The following MYH8 variants were observed in gnomAD, a reference collection of about 807,000 sequenced individuals.
MYH8 encodes the protein myosin heavy chain 8.
MYH8 carries 168 observed loss-of-function variants against 233.2 expected under a neutral mutation model. The observed-to-expected ratio is 0.72, with a 90% confidence interval of 0.64 to 0.82. The LOEUF (loss-of-function observed/expected upper bound fraction) is 0.82. Among genes scored for constraint, MYH8 ranks in the 40% least tolerant of loss-of-function variants. The pLI is 0.00. For synonymous variants in MYH8, 785 were observed against 850.6 expected (o/e 0.92, Z 1.34); for missense variants, 1,995 against 2,327.8 (o/e 0.86, Z 2.94).
chr17:10,406,873 T>C lies in MYH8; in HGVS notation c.2053+19A>G. The C allele has an allele frequency of 6.2e-7, 1 of 1,613,676 alleles. No individual in the cohort carries two copies. On this transcript the variant is annotated intron_variant, in intron 18 of 39. Coordinates refer to ENST00000403437, the MANE Select transcript of MYH8 (RefSeq NM_002472.3). ...TTCAAACCTGTGCCCGTTTGATTAT[T>C]TCACTCTCTGTGTCTTACCAGGAGT...
In MYH8 at chr17:10,400,652, C is replaced by A. The variant is rs1567683756; in HGVS notation, c.3473G>T (p.Gly1158Val). The change falls in exon 27 of 40, where the codon GGG (glycine) becomes GTG (valine). Residue 1158 changes from glycine to valine, a missense_variant. Coordinates refer to ENST00000403437, the MANE Select transcript of MYH8 (RefSeq NM_002472.3). The surrounding 1 kb of genome is among the most constrained non-coding windows in gnomAD (Gnocchi z 4.0). ...EISERLEEAG[G>V]ATSAQVELNK... is the part of the protein sequence containing the mutation. Reference sequence around the variant, plus strand: ...CAATTCCACCTGAGCAGAAGTTGCCCCACCGGCTTCTTCCAGCCTCTCGCT... The same window carrying A: ...CAATTCCACCTGAGCAGAAGTTGCCACACCGGCTTCTTCCAGCCTCTCGCT... The A allele has an allele frequency of 2.5e-6, 4 of 1,614,186 alleles. No individual in the cohort carries two copies. The highest frequency in any genetic ancestry group is 3.4e-6 in the Non-Finnish European group (4 of 1,180,042).
rs769584861 is a variant in MYH8 at position 10,401,803 on chromosome 17, C to T, written c.2689-18G>A. ...TCTGCTTCCTATGGAGAGATTCATT[C>T]AGATACTTAGAGTCTGTTACTTATT... On this transcript the variant is annotated intron_variant, in intron 22 of 39. Transcript: ENST00000403437. 3 of 1,614,124 alleles carry T rather than the reference C, an allele frequency of 1.9e-6. No individual in the cohort carries two copies. The highest frequency in any genetic ancestry group is 1.7e-6 in the Non-Finnish European group (2 of 1,180,000).
intron 23 of MYH8, 24 bp downstream of exon 23, chr17:10,401,519 A>T (rs767864527): frequency 6.2e-7 from 1 of 1,614,132 alleles, no homozygotes; most frequent in East Asian, 2.2e-5. Flanking sequence ...ACCTCTATAC[A>T]GTATTGTAAA....
rs1184220777 is a variant in MYH8, at chr17:10,419,283, C to CCTGAT, written c.211-258_211-254dup. On this transcript the variant is annotated intron_variant, in intron 3 of 39. Coordinates refer to ENST00000403437, the MANE Select transcript of MYH8 (RefSeq NM_002472.3). The surrounding 1 kb of genome is among the most constrained non-coding windows in gnomAD (Gnocchi z 4.0). ...ATGTTGGCCAGGCTGGTCTCGAACT[C>CCTGAT]CTGATCTCAGGTGATCCACCTGCCT... is the stretch of plus-strand genomic sequence containing the variant. Among the ~76,000 whole-genome samples the CCTGAT allele has an allele frequency of 6.6e-6, 1 of 152,176 alleles. No individual in the cohort carries two copies. The highest frequency in any genetic ancestry group is 1.5e-5 in the Non-Finnish European group (1 of 68,032).
rs375006244 is a variant in MYH8 at position 10,417,814 on chromosome 17, T to G, written c.511+831A>C. On this transcript the variant is annotated intron_variant, in intron 5 of 39. Coordinates refer to ENST00000403437, the MANE Select transcript of MYH8 (RefSeq NM_002472.3). This position sits in a 1 kb window ranked among gnomAD's most constrained non-coding sequence, Gnocchi z 4.1. ...AATTTGTAATGGGAGATTCCTATTT[T>G]ATTCCTTCCTCTTTATTCTCCCCCT... 4.4e-4 allele frequency among the ~76,000 whole-genome samples: 67 copies of G among 152,278 alleles called. No individual in the cohort carries two copies. Among genetic ancestry groups the G allele is most frequent in the African/African-American group, 1.5e-3 (63 of 41,510 alleles).
chr17:10,391,866 G>T lies in MYH8; in HGVS notation c.5664+16C>A. On this transcript the variant is annotated intron_variant, in intron 39 of 39. Transcript: ENST00000403437. ...AAGAAATTTCCTTCTTTCCTCAAGGGCTTAAAGATACTTACAGCCTCCTCA... is the reference window on the plus strand; with the variant it reads ...AAGAAATTTCCTTCTTTCCTCAAGGTCTTAAAGATACTTACAGCCTCCTCA... 1 of 1,600,572 alleles carries T rather than the reference G, an allele frequency of 6.2e-7. No individual in the cohort carries two copies. The highest frequency in any genetic ancestry group is 8.6e-7 in the Non-Finnish European group (1 of 1,167,842).
rs1555556565 is a variant in MYH8, at chr17:10,404,751, A to ACACG, written c.2433-167_2433-166insCGTG. Among the ~76,000 whole-genome samples, 30,628 of 148,978 alleles carry ACACG rather than the reference A, an allele frequency of 0.21. 4,261 individuals carry two copies. Among genetic ancestry groups the ACACG allele is most frequent in the Middle Eastern group, 0.26 (75 of 290 alleles). On this transcript the variant is annotated intron_variant, in intron 21 of 39. Transcript: ENST00000403437. ...TACACACACACACACACACACACAC[A>ACACG]TGTACACACATTCTCGCGCTCACAC... is the stretch of plus-strand genomic sequence containing the variant.
intron 38 of MYH8, among the ~76,000 whole-genome samples, 199 bp from the exon 39 acceptor site, chr17:10,392,176 C>T (rs1248989011): frequency 1.3e-5 from 2 of 152,202 alleles, no homozygotes; most frequent in African/African-American, 4.8e-5. Context: ...GAATTGCACA[C>T]ATCCTCTCCA....
intron 37 of MYH8, 37 bp from the exon 38 acceptor site, chr17:10,392,683 G>A: frequency 6.2e-7 from 1 of 1,613,260 alleles, no homozygotes; most frequent in Non-Finnish European, 8.5e-7. Flanking sequence ...GTCAGTCTTG[G>A]GGGATATTAA....
In MYH8 at chr17:10,400,297, G is replaced by T; in HGVS notation, c.3735+93C>A. The T allele has an allele frequency of 7.0e-7, 1 of 1,438,840 alleles. No homozygotes were observed. Among genetic ancestry groups the T allele is most frequent in the Non-Finnish European group, 9.7e-7 (1 of 1,032,294 alleles). The allele number at this position is 1,438,840 out of a possible 1,614,324, so 89.1% of individuals were successfully genotyped here. ...TATTTGGTTAGAAAATATTTGAGTA[G>T]TGCTGTAAAATGCCTGCAAACAATG... On this transcript the variant is annotated intron_variant, in intron 27 of 39. Coordinates refer to ENST00000403437, the MANE Select transcript of MYH8 (RefSeq NM_002472.3). The surrounding 1 kb of genome is among the most constrained non-coding windows in gnomAD (Gnocchi z 4.0).
At chr17:10,409,185 G>A (rs1352646260) in intron 16 of MYH8, 21 bp from the exon 17 acceptor site, 8 of 1,613,910 alleles carry the variant, frequency 5.0e-6, no homozygotes, top group African/African-American at 1.3e-5. Context: ...AAGAAAACCC[G>A]TGAATAAGAA....
In MYH8 at chr17:10,398,554, G is replaced by C; in HGVS notation, c.4068C>G (p.Gly1356=). Reference sequence around the variant, plus strand: ...ACAGCGCCCTCTGCAGCTCAGCTTTGCCTTCCTGCTCTTCCTCATACTGTT... The same window carrying C: ...ACAGCGCCCTCTGCAGCTCAGCTTTCCCTTCCTGCTCTTCCTCATACTGTT... The part of the protein sequence containing the change: ...LREQYEEEQE[G]KAELQRALSK... The change falls in exon 30 of 40, where the codon GGC becomes GGG. Residue 1356 remains glycine, a synonymous_variant. Transcript: ENST00000403437. 6.2e-7 allele frequency: 1 copy of C among 1,614,188 alleles called. No homozygotes were observed. Among genetic ancestry groups the C allele is most frequent in the Non-Finnish European group, 8.5e-7 (1 of 1,180,034 alleles).
At chr17:10,407,037 T>C in intron 17 of MYH8, 58 bp from the exon 18 acceptor site, 2 of 1,343,926 alleles carry the variant, frequency 1.5e-6, no homozygotes, top group Non-Finnish European at 2.1e-6. Flanking sequence ...TTGTTTTTTG[T>C]AATTATATGG....
In MYH8 at chr17:10,406,273, C is replaced by T; in HGVS notation, c.2295+1G>A. On this transcript the variant is annotated splice_donor_variant, in intron 20 of 39. Coordinates refer to ENST00000403437, the MANE Select transcript of MYH8 (RefSeq NM_002472.3). LOFTEE classifies it high-confidence loss of function. ...TCAGGTGTAAATAAATAACGATATA[C>T]CTTGGTATGTCCAAATTTATATTGA... The T allele has an allele frequency of 6.2e-7, 1 of 1,613,998 alleles. No homozygotes were observed. Among genetic ancestry groups the T allele is most frequent in the Non-Finnish European group, 8.5e-7 (1 of 1,179,946 alleles).
In MYH8 at chr17:10,413,922, G is replaced by A. The variant is rs1202425013; in HGVS notation, c.1127C>T (p.Ala376Val). ...KFKQKQREEQ[A>V]EPDGTEVADK... ...GGTACCTTCTGTGCCATCTGGCTCA[G>A]CTTGCTCCTCACGCTGCTTTTGCTT... is the stretch of plus-strand genomic sequence containing the variant. Residue 376 changes from alanine (A) to valine (V), a missense_variant, in exon 12 of 40, where the codon GCT (alanine) becomes GTT (valine). Ala to Val is a moderately conservative substitution (Grantham distance 64, BLOSUM62 0). This residue lies in a region of MYH8 where 479 missense variants were observed against 600.9 expected (regional missense o/e 0.80). Transcript: ENST00000403437. The A allele has an allele frequency of 6.2e-7, 1 of 1,614,026 alleles. No homozygotes were observed. Among genetic ancestry groups the A allele is most frequent in the South Asian group, 1.1e-5 (1 of 91,070 alleles).
In MYH8 at chr17:10,394,335, T is replaced by C; in HGVS notation, c.5080A>G (p.Thr1694Ala). ...LQAEIEELWA[T>A]LEQTERSRKI... ...CTGCTTCTCTCTGTCTGTTCCAGAG[T>C]GGCCCACAGCTCCTCGATCTCAGCC... is the stretch of plus-strand genomic sequence containing the variant. The change falls in exon 35 of 40, where the codon ACT (threonine) becomes GCT (alanine). Residue 1694 changes from threonine to alanine, a missense_variant. Physicochemically the swap from Thr to Ala is moderately conservative, Grantham distance 58 (BLOSUM62 0). Around this residue, in one of 3 missense-constraint regions of MYH8, gnomAD observed 1,498 missense variants for 1,680.9 expected, o/e 0.89. Transcript: ENST00000403437. 6.2e-7 allele frequency: 1 copy of C among 1,614,070 alleles called. No homozygotes were observed. The highest frequency in any genetic ancestry group is 8.5e-7 in the Non-Finnish European group (1 of 1,180,010).
intron 2 of MYH8, 39 bp downstream of exon 2, chr17:10,421,624 C>A (rs1172533803): frequency 2.0e-5 from 3 of 152,186 alleles, no homozygotes; most frequent in Admixed American, 2.0e-4. Context: ...TAGACTATAT[C>A]CCCTCTGTCA....
chr17:10,411,237 G>A (rs144911439), intron 14 of MYH8, among the ~76,000 whole-genome samples: 105 of 152,114 alleles, frequency 6.9e-4, no homozygotes, highest in African/African-American at 2.4e-3. Flanking sequence ...TTATCTGGGT[G>A]TGGTGGCGTG....
intron 35 of MYH8, among the ~76,000 whole-genome samples, chr17:10,393,814 G>A (rs1465732444): frequency 6.6e-6 from 1 of 152,116 alleles, no homozygotes. Context: ...GAGCTGTAAG[G>A]CATGGGGACA....
Sources: allele counts gnomAD v4.1 joint callset (sites outside exome capture counted in the v4.1 genomes callset), GRCh38; gene constraint gnomAD v4.1.1; regional missense constraint gnomAD v4.1.1; non-coding constraint Gnocchi (gnomAD v3.1); transcripts MANE v1.5; gene names NCBI Gene and HGNC (gene_info 2026-07-23, HGNC 2026-07-21).